The following CNTNAP2 variants were observed in gnomAD, a reference collection of about 807,000 sequenced individuals.
The protein encoded by CNTNAP2 is contactin-associated protein-like 2.
A neutral mutation model predicts 155.2 loss-of-function variants in CNTNAP2; 98 were observed. That is an observed-to-expected ratio of 0.63 (90% CI 0.54 to 0.75). The LOEUF (loss-of-function observed/expected upper bound fraction) is 0.75, where lower values mean the gene tolerates loss of function less well. CNTNAP2 is among the 30% of genes least tolerant of loss of function. The pLI, the probability that CNTNAP2 is intolerant of heterozygous loss-of-function variation, is 0.00. For missense variants in CNTNAP2, 1,727 were observed against 1,688.1 expected, an observed-to-expected ratio of 1.02 and a Z score of -0.40; for synonymous variants, 651 against 631.2, an observed-to-expected ratio of 1.03 and a Z score of -0.47.
In CNTNAP2 at chr7:147,381,580, G is replaced by GA. The variant is rs567297346; in HGVS notation, c.1499-14026dup. ...GAAAAAGACTATGTAAAAAATATATGAAAGTGTCAAATTATTCAGTTTGTT... is the reference window on the plus strand; with the variant it reads ...GAAAAAGACTATGTAAAAAATATATGAAAAGTGTCAAATTATTCAGTTTGTT... On this transcript the variant is annotated intron_variant, in intron 9 of 23. Transcript: ENST00000361727. 1.2e-4 allele frequency among the ~76,000 whole-genome samples: 19 copies of GA among 152,236 alleles called. No individual in the cohort carries two copies. The East Asian group carries it at 3.5e-3, about 28-fold the overall frequency.
At chr7:147,796,782 T>C (rs1222128977) in intron 13 of CNTNAP2, among the ~76,000 whole-genome samples, 2 of 152,144 alleles carry the variant, frequency 1.3e-5, no homozygotes, top group Non-Finnish European at 2.9e-5. Flanking sequence ...AGACAATTAG[T>C]CTGTAAAAGC....
intron 16 of CNTNAP2, among the ~76,000 whole-genome samples, chr7:148,140,075 T>G (rs1805029584): frequency 6.6e-6 from 1 of 152,172 alleles, no homozygotes; most frequent in Non-Finnish European, 1.5e-5. Context: ...GGGTGAAGAA[T>G]GCACGTGAAA....
intron 21 of CNTNAP2, among the ~76,000 whole-genome samples, chr7:148,270,714 T>G (rs910854474): frequency 1.3e-5 from 2 of 152,200 alleles, no homozygotes; most frequent in Non-Finnish European, 2.9e-5. Context: ...GCTGCAATCC[T>G]CACATATCTC....
chr7:146,491,791 G>A (rs1797143371), intron 1 of CNTNAP2, among the ~76,000 whole-genome samples: 1 of 152,142 alleles, frequency 6.6e-6, no homozygotes, highest in African/African-American at 2.4e-5. Flanking sequence ...ATTAGAAATT[G>A]TGGGGTCATC....
intron 21 of CNTNAP2, among the ~76,000 whole-genome samples, chr7:148,306,312 C>G (rs930159525): frequency 6.6e-6 from 1 of 152,118 alleles, no homozygotes; most frequent in African/African-American, 2.4e-5. Flanking sequence ...TTGACTCTTT[C>G]TGTTGGAACA....
intron 17 of CNTNAP2, among the ~76,000 whole-genome samples, chr7:148,150,559 A>AT (rs1327835465): frequency 6.6e-6 from 1 of 151,904 alleles, no homozygotes; most frequent in Admixed American, 6.6e-5. Flanking sequence ...GAAAAAAAAA[A>AT]CAAGACTCTA....
chr7:146,522,505 A>G (rs1311915712), intron 1 of CNTNAP2, among the ~76,000 whole-genome samples: 2 of 152,022 alleles, frequency 1.3e-5, no homozygotes, highest in Non-Finnish European at 2.9e-5. Context: ...GTTCTTTGAA[A>G]GCACTCTTCT....
intron 14 of CNTNAP2, among the ~76,000 whole-genome samples, chr7:147,962,409 G>C (rs541524201): frequency 6.6e-6 from 1 of 152,182 alleles, no homozygotes; most frequent in Non-Finnish European, 1.5e-5. Flanking sequence ...GACTTGATCA[G>C]CTGCCCCTCC....
intron 9 of CNTNAP2, among the ~76,000 whole-genome samples, chr7:147,350,783 C>T (rs1277485440): frequency 6.6e-6 from 1 of 151,812 alleles, no homozygotes; most frequent in African/African-American, 2.4e-5. Context: ...TACACCCCTG[C>T]ACTGAAAATA....
intron 4 of CNTNAP2, among the ~76,000 whole-genome samples, chr7:147,079,839 C>T (rs1800083618): frequency 1.3e-5 from 2 of 152,014 alleles, no homozygotes; most frequent in South Asian, 4.1e-4. Flanking sequence ...CGTGTTTGTC[C>T]TTTCACAGTG....
intron 23 of CNTNAP2, among the ~76,000 whole-genome samples, chr7:148,411,142 C>T (rs1026858299): frequency 3.9e-5 from 6 of 152,172 alleles, no homozygotes; most frequent in Non-Finnish European, 8.8e-5. Flanking sequence ...GAGCCTCATG[C>T]GTAGATCGAT....
chr7:147,045,638 A>G (rs1386558833), intron 4 of CNTNAP2, among the ~76,000 whole-genome samples: 1 of 152,188 alleles, frequency 6.6e-6, no homozygotes, highest in Non-Finnish European at 1.5e-5. Flanking sequence ...AACATAAATT[A>G]GAATCTTTGG....
chr7:146,734,769 C>T (rs1415100616), intron 1 of CNTNAP2, among the ~76,000 whole-genome samples: 1 of 152,116 alleles, frequency 6.6e-6, no homozygotes, highest in East Asian at 1.9e-4. Context: ...GAAACTCTGC[C>T]ATTACTTAAT....
chr7:146,877,135 G>A (rs918184472), intron 3 of CNTNAP2, among the ~76,000 whole-genome samples: 20 of 152,026 alleles, frequency 1.3e-4, no homozygotes, highest in Admixed American at 5.3e-4. Flanking sequence ...AATAACAAAA[G>A]CATTGCATTC....
At chr7:146,145,116 A>G (rs1265349755) in intron 1 of CNTNAP2, among the ~76,000 whole-genome samples, 2 of 152,222 alleles carry the variant, frequency 1.3e-5, no homozygotes, top group African/African-American at 4.8e-5. Context: ...TGATCCTGAC[A>G]TTCAGAAACT....
intron 1 of CNTNAP2, among the ~76,000 whole-genome samples, chr7:146,681,216 T>C (rs1172514485): frequency 5.3e-5 from 8 of 151,194 alleles, no homozygotes; most frequent in Non-Finnish European, 8.8e-5. Flanking sequence ...AAGTGCTAAG[T>C]CATGGCTTGT....
chr7:146,926,042 T>A (rs1796601911), intron 3 of CNTNAP2, among the ~76,000 whole-genome samples: 1 of 152,156 alleles, frequency 6.6e-6, no homozygotes, highest in African/African-American at 2.4e-5. Flanking sequence ...GCTTATGTTA[T>A]TTATCAAGCC....
At chr7:146,414,591 G>C (rs940959) in intron 1 of CNTNAP2, among the ~76,000 whole-genome samples, 5,447 of 152,112 alleles carry the variant, frequency 0.036, 336 homozygotes, top group African/African-American at 0.12. Context: ...TTTCTGGCCT[G>C]ATCCTATTGT....
At chr7:146,687,693 A>G (rs1272874717) in intron 1 of CNTNAP2, among the ~76,000 whole-genome samples, 1 of 152,206 alleles carries the variant, frequency 6.6e-6, no homozygotes. Context: ...ATGAAAATGG[A>G]AAAGTACATT....
Sources: gnomAD v4.1 joint callset for allele counts (sites outside exome capture counted in the v4.1 genomes callset) on GRCh38, gnomAD v4.1.1 for gene constraint, MANE v1.5 for transcripts, NCBI Gene and HGNC (gene_info 2026-07-23, HGNC 2026-07-21) for gene names.